SCRG1: variants seen among roughly 807,000 people sequenced by gnomAD.
The protein encoded by SCRG1 is scrapie-responsive protein 1.
SCRG1 carries 3 observed loss-of-function variants against 7.7 expected under a neutral mutation model. The ratio of observed to expected loss-of-function variants is 0.39; its 90% CI spans 0.18 to 1.01. The LOEUF (loss-of-function observed/expected upper bound fraction) is 1.01, where lower values mean the gene tolerates loss of function less well. Ranked by LOEUF, SCRG1 falls within the 50% of genes least tolerant of loss-of-function variation. The probability of loss-of-function intolerance (pLI) is 0.36; values close to 1 mark genes in which losing one functional copy is unlikely to be tolerated. For synonymous variants in SCRG1, 46 were observed against 41.2 expected (o/e 1.12, Z -0.44); for missense variants, 110 against 117.2 (o/e 0.94, Z 0.28).
At chr4:173,417,841 G>C in the SCRG1 span, among the ~76,000 whole-genome samples, 1 of 151,998 alleles carries the variant, frequency 6.6e-6, no homozygotes, top group South Asian at 2.1e-4. Flanking sequence ...AAAATTCAGA[G>C]ACCTGCAACA....
chr4:173,465,680 A>G, the SCRG1 span, among the ~76,000 whole-genome samples: 1 of 151,544 alleles, frequency 6.6e-6, no homozygotes, highest in African/African-American at 2.4e-5. Flanking sequence ...ATACATATAT[A>G]GATTTTATAT....
chr4:173,493,293 C>G, the SCRG1 span, among the ~76,000 whole-genome samples: 4 of 152,210 alleles, frequency 2.6e-5, no homozygotes, highest in South Asian at 2.1e-4. Context: ...GCACTTCCCC[C>G]CTCTTGCTCT....
At chr4:173,427,890 T>A in the SCRG1 span, among the ~76,000 whole-genome samples, 4 of 152,254 alleles carry the variant, frequency 2.6e-5, no homozygotes, top group Admixed American at 6.5e-5. Flanking sequence ...AACTACTTAA[T>A]ACTTAGCAGA....
At chr4:173,462,945 CAT>C in the SCRG1 span, among the ~76,000 whole-genome samples, 6 of 152,166 alleles carry the variant, frequency 3.9e-5, no homozygotes, top group Admixed American at 3.9e-4. Context: ...AACCAAAAAA[CAT>C]ACAACGGACA....
the SCRG1 span, among the ~76,000 whole-genome samples, chr4:173,434,331 G>T: frequency 6.6e-6 from 1 of 152,116 alleles, no homozygotes; most frequent in Non-Finnish European, 1.5e-5. Context: ...TTGATTTAAG[G>T]TGTTATGTTA....
At chr4:173,504,112 C>T in the SCRG1 span, among the ~76,000 whole-genome samples, 4 of 152,212 alleles carry the variant, frequency 2.6e-5, no homozygotes, top group Non-Finnish European at 5.9e-5. The surrounding 1 kb of genome is among the most constrained non-coding windows in gnomAD (Gnocchi z 4.7). Context: ...TGACCATGTT[C>T]GCTGGTGCAG....
At chr4:173,497,148 G>C in the SCRG1 span, among the ~76,000 whole-genome samples, 1 of 152,010 alleles carries the variant, frequency 6.6e-6, no homozygotes. Context: ...AAGAATGGCA[G>C]AACTTTTCCT....
At chr4:173,497,680 T>G in the SCRG1 span, among the ~76,000 whole-genome samples, 9 of 147,236 alleles carry the variant, frequency 6.1e-5, no homozygotes, top group South Asian at 6.4e-4. Flanking sequence ...ACTCTTTTTT[T>G]TTTTTTTTGA....
chr4:173,513,253 C>T, the SCRG1 span, among the ~76,000 whole-genome samples: 1 of 151,838 alleles, frequency 6.6e-6, no homozygotes, highest in Non-Finnish European at 1.5e-5. Flanking sequence ...TATTCTTTGT[C>T]CTCATCCACA....
chr4:173,435,222 G>A, the SCRG1 span, among the ~76,000 whole-genome samples: 1 of 152,074 alleles, frequency 6.6e-6, no homozygotes, highest in African/African-American at 2.4e-5. Flanking sequence ...GAGCAATACA[G>A]TGTTGACAGT....
chr4:173,458,378 A>G, the SCRG1 span, among the ~76,000 whole-genome samples: 5 of 152,208 alleles, frequency 3.3e-5, no homozygotes, highest in East Asian at 9.6e-4. Flanking sequence ...ATCAAAAATA[A>G]TTAAAAAAAA....
At chr4:173,420,706 A>G in the SCRG1 span, among the ~76,000 whole-genome samples, 1 of 136,668 alleles carries the variant, frequency 7.3e-6, no homozygotes, top group South Asian at 2.2e-4. Context: ...AGCCAAGCTG[A>G]AAAAAAAAAA....
the SCRG1 span, among the ~76,000 whole-genome samples, chr4:173,439,162 T>C: frequency 6.6e-6 from 1 of 152,196 alleles, no homozygotes; most frequent in Admixed American, 6.5e-5. Context: ...GGAAGGAACC[T>C]GGGTCCCAAA....
chr4:173,439,234 A>G, the SCRG1 span, among the ~76,000 whole-genome samples: 1 of 152,190 alleles, frequency 6.6e-6, no homozygotes, highest in African/African-American at 2.4e-5. Context: ...TGATCCAAGA[A>G]TAAACTTTTT....
chr4:173,404,546 T>C (rs1234398248), intron 1 of SCRG1: 1 of 152,222 alleles, frequency 6.6e-6, no homozygotes, highest in Non-Finnish European at 1.5e-5. Context: ...GTTAAATGAA[T>C]GAATGAGTTA....
the SCRG1 span, among the ~76,000 whole-genome samples, chr4:173,459,293 A>G: frequency 6.6e-6 from 1 of 152,232 alleles, no homozygotes; most frequent in South Asian, 2.1e-4. Context: ...ACTTCATCCA[A>G]CAGCTGCAGA....
the SCRG1 span, among the ~76,000 whole-genome samples, chr4:173,488,581 G>A: frequency 6.6e-6 from 1 of 152,186 alleles, no homozygotes; most frequent in Admixed American, 6.5e-5. Flanking sequence ...GGTATGGTCT[G>A]CAGAATCCAC....
chr4:173,388,371 G>C lies in SCRG1; in HGVS notation c.267C>G (p.Ile89Met), dbSNP rs1409479861. ...CPKDVFFGPKISFVIPCNNQ is the reference protein window; with the variant it reads ...CPKDVFFGPKMSFVIPCNNQ ...GATTGTTGCAAGGAATCACGAAAGAGATCTTTGGTCCAAAGAAAACGTCTC... is the reference window on the plus strand; with the variant it reads ...GATTGTTGCAAGGAATCACGAAAGACATCTTTGGTCCAAAGAAAACGTCTC... Residue 89 changes from isoleucine (I) to methionine (M), a missense_variant, in exon 3 of 3, where the codon ATC becomes ATG. Coordinates refer to ENST00000296506, the MANE Select transcript of SCRG1 (RefSeq NM_007281.4). 2 of 1,611,924 alleles carry C rather than the reference G, an allele frequency of 1.2e-6. No homozygotes were observed. The highest frequency in any genetic ancestry group is 1.7e-6 in the Non-Finnish European group (2 of 1,178,734).
At chr4:173,500,133 G>A in the SCRG1 span, among the ~76,000 whole-genome samples, 1 of 152,314 alleles carries the variant, frequency 6.6e-6, no homozygotes, top group East Asian at 1.9e-4. Context: ...TGAGATTCAA[G>A]TTTGTGTGTC....
Sources: gnomAD v4.1 joint callset for allele counts (sites outside exome capture counted in the v4.1 genomes callset) on GRCh38, gnomAD v4.1.1 for gene constraint, Gnocchi (gnomAD v3.1) non-coding constraint, MANE v1.5 for transcripts, NCBI Gene and HGNC (gene_info 2026-07-23, HGNC 2026-07-21) for gene names.